SMIM28: variants seen among roughly 807,000 people sequenced by gnomAD.
SMIM28 encodes small integral membrane protein 28.
intron 1 of SMIM28, among the ~76,000 whole-genome samples, chr6:138,379,486 T>C (rs570386959): frequency 6.6e-6 from 1 of 152,316 alleles, no homozygotes; most frequent in East Asian, 1.9e-4. Flanking sequence ...AATAGAGAAT[T>C]TAAAATTTAT....
chr6:138,380,730 G>T (rs757158270), intron 1 of SMIM28, among the ~76,000 whole-genome samples: 4 of 150,138 alleles, frequency 2.7e-5, no homozygotes, highest in Admixed American at 6.6e-5. Context: ...TCGCACCACT[G>T]CACTCTAGTC....
At chr6:138,380,583 C>T (rs1353827238) in intron 1 of SMIM28, among the ~76,000 whole-genome samples, 1 of 151,906 alleles carries the variant, frequency 6.6e-6, no homozygotes, top group Admixed American at 6.6e-5. Context: ...CTGGCTAACA[C>T]GGTGAAACCC....
intron 1 of SMIM28, among the ~76,000 whole-genome samples, chr6:138,380,268 C>T (rs1774297061): frequency 6.6e-6 from 1 of 152,208 alleles, no homozygotes; most frequent in Non-Finnish European, 1.5e-5. Flanking sequence ...ACAGAGCTGT[C>T]AACCCCCAAA....
At chr6:138,381,373 T>G (rs542601219) in intron 1 of SMIM28, among the ~76,000 whole-genome samples, 106 of 152,354 alleles carry the variant, frequency 7.0e-4, no homozygotes, top group African/African-American at 2.5e-3. Context: ...TCGTTATTTC[T>G]TAGTAGCCTT....
chr6:138,379,792 TAC>T (rs1170761811), intron 1 of SMIM28, among the ~76,000 whole-genome samples: 1 of 152,188 alleles, frequency 6.6e-6, no homozygotes, highest in African/African-American at 2.4e-5. Context: ...CATCTACTCT[TAC>T]AGTCTTTGTA....
intron 1 of SMIM28, among the ~76,000 whole-genome samples, chr6:138,380,576 G>A (rs1379135141): frequency 6.6e-6 from 1 of 152,022 alleles, no homozygotes; most frequent in African/African-American, 2.4e-5. Context: ...GACCATCCTG[G>A]CTAACACGGT....
chr6:138,379,432 A>G (rs988153047), intron 1 of SMIM28, among the ~76,000 whole-genome samples: 2 of 152,370 alleles, frequency 1.3e-5, no homozygotes, highest in East Asian at 3.9e-4. Context: ...TAAATAGAAC[A>G]TTAAGTATCT....
Position 138,383,159 on chromosome 6 carries a change from G to GAA in SMIM28, c.*324_*325dup, listed in dbSNP as rs112738979. The stretch of plus-strand genomic sequence containing the variant: ...AAAAAAGGAAAGTTCTATGTGAGTT[G>GAA]AAAAAAAAAAAAACACTTAATTACT... On this transcript the variant is annotated 3_prime_UTR_variant, in exon 2 of 2. Transcript: ENST00000573100. 10 of 145,680 alleles carry GAA rather than the reference G, an allele frequency of 6.9e-5. No homozygotes were observed. The highest frequency in any genetic ancestry group is 2.3e-4 in the South Asian group (1 of 4,314). The allele number at this position is 145,680 out of a possible 1,614,324, so 9.0% of individuals were successfully genotyped here.
In SMIM28 at chr6:138,383,029, G is replaced by A. The variant is rs1774335309; in HGVS notation, c.*182G>A. ...CACTTCAGGCTGAGGGCAAAGCTTG[G>A]CAAATGCCAATCTGGTTAACCTATC... On this transcript the variant is annotated 3_prime_UTR_variant, in exon 2 of 2. Coordinates refer to ENST00000573100, the MANE Select transcript of SMIM28 (RefSeq NM_001368163.3). The A allele has an allele frequency of 2.6e-6, 1 of 390,896 alleles. No homozygotes were observed. The highest frequency in any genetic ancestry group is 2.1e-5 in the African/African-American group (1 of 48,564). The allele number at this position is 390,896 out of a possible 1,614,324, so 24.2% of individuals were successfully genotyped here.
chr6:138,382,552 TCCTTCTGCCGG>T lies in SMIM28; in HGVS notation c.167_177del (p.Leu56HisfsTer30), dbSNP rs1774326235. 1 of 398,664 alleles carries T rather than the reference TCCTTCTGCCGG, an allele frequency of 2.5e-6. No homozygotes were observed. Among genetic ancestry groups the T allele is most frequent in the Non-Finnish European group, 4.4e-6 (1 of 226,304 alleles). The allele number at this position is 398,664 out of a possible 1,614,324, so 24.7% of individuals were successfully genotyped here. On this transcript the variant is annotated frameshift_variant, in exon 2 of 2. Coordinates refer to ENST00000573100, the MANE Select transcript of SMIM28 (RefSeq NM_001368163.3). LOFTEE classifies it low-confidence loss of function (END_TRUNC). The stretch of plus-strand genomic sequence containing the variant: ...GAGGATGTGGAGCCCTTCCTGTGCA[TCCTTCTGCCGG>T]CCACCATCCTGCTCTTCCTGGCATT...
chr6:138,381,971 CT>C (rs1409584477), intron 1 of SMIM28, among the ~76,000 whole-genome samples: 3 of 152,222 alleles, frequency 2.0e-5, no homozygotes, highest in Non-Finnish European at 4.4e-5. Flanking sequence ...TGAATTCACA[CT>C]TTATTGTGTA....
chr6:138,378,709 T>C (rs1448604576), intron 1 of SMIM28, among the ~76,000 whole-genome samples: 1 of 152,132 alleles, frequency 6.6e-6, no homozygotes, highest in Admixed American at 6.5e-5. Context: ...CAGTGCAGTC[T>C]CCGTAGGAAG....
rs192673013 is a variant in SMIM28, at chr6:138,378,132, T to A, written c.60T>A (p.Tyr20Ter). 1.4e-4 allele frequency: 55 copies of A among 398,676 alleles called. No homozygotes were observed. Among genetic ancestry groups the A allele is most frequent in the African/African-American group, 1.0e-3 (51 of 48,736 alleles). The allele number at this position is 398,676 out of a possible 1,614,324, so 24.7% of individuals were successfully genotyped here. The change falls in exon 1 of 2, where the codon TAT becomes TAA. Residue 20 changes from tyrosine to a stop codon, truncating the protein, a stop_gained. Transcript: ENST00000573100. LOFTEE classifies it high-confidence loss of function. ...TTGGACATGCTGGCCGGGGGACATA[T>A]GAGTGGTTAACCAGCGAGCCCGGCC... Reference protein sequence around the residue: ...KKFGHAGRGTYEWLTSEPGLP... With the variant: ...KKFGHAGRGT
At chr6:138,379,073 A>G (rs1317951434) in intron 1 of SMIM28, among the ~76,000 whole-genome samples, 1 of 152,208 alleles carries the variant, frequency 6.6e-6, no homozygotes, top group Non-Finnish European at 1.5e-5. Flanking sequence ...GCAAATTAGG[A>G]TATTTGACTA....
chr6:138,382,121 G>A lies in SMIM28; in HGVS notation c.112-379G>A, dbSNP rs202043116. On this transcript the variant is annotated intron_variant, in intron 1 of 1. Transcript: ENST00000573100. The stretch of plus-strand genomic sequence containing the variant: ...CTTAGAAATGTGAGGCCTTGGCCGG[G>A]TGCTGTGGCTCACGCCTGTAATCCC... Among the ~76,000 whole-genome samples, 3 of 152,166 alleles carry A rather than the reference G, an allele frequency of 2.0e-5. No homozygotes were observed. In the East Asian group the frequency reaches 5.8e-4, roughly 29 times the overall value.
At chr6:138,381,875 TACTA>T (rs1337987770) in intron 1 of SMIM28, among the ~76,000 whole-genome samples, 3 of 152,252 alleles carry the variant, frequency 2.0e-5, no homozygotes, top group Admixed American at 6.5e-5. Context: ...ACAGCGGACC[TACTA>T]ACTAAAATTT....
chr6:138,380,416 CATAGTT>C (rs1362047117), intron 1 of SMIM28, among the ~76,000 whole-genome samples: 4 of 152,188 alleles, frequency 2.6e-5, no homozygotes, highest in South Asian at 4.1e-4. Flanking sequence ...AAACCACACA[CATAGTT>C]ATAAAGTCTT....
intron 1 of SMIM28, among the ~76,000 whole-genome samples, chr6:138,381,624 C>T (rs1248873884): frequency 6.6e-6 from 1 of 152,116 alleles, no homozygotes; most frequent in Non-Finnish European, 1.5e-5. Context: ...TTTACAAAAA[C>T]AAATTTAAAG....
At chr6:138,382,382 GCAAGACTGTGTCTCAAAAAAA>G (rs1212238076) in intron 1 of SMIM28, 97 bp from the exon 2 acceptor site, 2 of 358,226 alleles carry the variant, frequency 5.6e-6, no homozygotes, top group African/African-American at 5.1e-5. Context: ...GGGTGACGGA[GCAAGACTGTGTCTCAAAAAAA>G]AAAAAAAAAA....
Sources: gnomAD v4.1 joint callset for allele counts (sites outside exome capture counted in the v4.1 genomes callset) on GRCh38, gnomAD v4.1.1 for gene constraint, MANE v1.5 for transcripts, NCBI Gene and HGNC (gene_info 2026-07-23, HGNC 2026-07-21) for gene names.